The following LCOR variants were observed in gnomAD, a reference collection of about 807,000 sequenced individuals.
LCOR encodes ligand-dependent corepressor.
Under a neutral mutation model 64.4 loss-of-function variants are expected in LCOR, and 14 were observed. The ratio of observed to expected loss-of-function variants is 0.22; its 90% confidence interval spans 0.14 to 0.34. The LOEUF (loss-of-function observed/expected upper bound fraction) is 0.34, where lower values mean the gene tolerates loss of function less well. LCOR is among the 10% of genes least tolerant of loss of function. LCOR has a pLI of 1.00. For missense variants in LCOR, 1,686 were observed against 1,765.3 expected (o/e 0.96, Z 0.80); for synonymous variants, 643 against 642.5 (o/e 1.00, Z -0.01).
intron 2 of LCOR, among the ~76,000 whole-genome samples, chr10:96,867,288 C>T (rs1044078240): frequency 6.6e-6 from 1 of 152,104 alleles, no homozygotes; most frequent in East Asian, 1.9e-4. Flanking sequence ...CCACTGTGCC[C>T]GGACAGTCTT....
rs779430076 is a variant in LCOR, at chr10:96,982,693, C to G, written c.2233C>G (p.Pro745Ala). The change falls in exon 8 of 8, where the codon CCA becomes GCA. Residue 745 changes from proline (P) to alanine (A), a missense_variant. Pro to Ala is a conservative substitution (Grantham distance 27). Around this residue, in one of 3 missense-constraint regions of LCOR, gnomAD observed 1,293 missense variants for 1,410.4 expected, o/e 0.92. Transcript: ENST00000421806. ...AGACACCCAGGAGCTAAATGTCGAC[C>G]CACTCTTGAAGGAAAGCAGCACTTT... ...SGDTQELNVD[P>A]LLKESSTFTD... is the part of the protein sequence containing the mutation. 6.8e-6 allele frequency: 11 copies of G among 1,613,956 alleles called. No homozygotes were observed. In the South Asian group the frequency reaches 1.2e-4, roughly 18 times the overall value.
At chr10:96,904,861 A>G (rs1292275581) in intron 2 of LCOR, among the ~76,000 whole-genome samples, 2 of 152,216 alleles carry the variant, frequency 1.3e-5, no homozygotes, top group East Asian at 1.9e-4. Flanking sequence ...GCTAAATTCA[A>G]TATTTAGTAT....
intron 7 of LCOR, chr10:96,955,054 A>G (rs563073232): frequency 3.1e-6 from 5 of 1,613,976 alleles, no homozygotes. Context: ...GGTTTTGGAC[A>G]CTCCACATCA....
At chr10:96,930,803 C>T (rs1240645852) in intron 4 of LCOR, among the ~76,000 whole-genome samples, 1 of 152,160 alleles carries the variant, frequency 6.6e-6, no homozygotes, top group African/African-American at 2.4e-5. Context: ...GTTAGGCTAG[C>T]TTACTTGCCC....
chr10:96,966,928 G>C (rs1275892211), intron 7 of LCOR, among the ~76,000 whole-genome samples: 1 of 152,182 alleles, frequency 6.6e-6, no homozygotes, highest in Admixed American at 6.5e-5. Context: ...TGGAGACAAG[G>C]TTTCAGTACG....
At position 96,920,712 on chromosome 10, in the gene LCOR, A is replaced by G. The variant is rs562999511; in HGVS notation, c.-184+12965A>G. Among the ~76,000 whole-genome samples the G allele has an allele frequency of 5.2e-4, 74 of 141,996 alleles. 1 individual carries two copies. Among genetic ancestry groups the G allele is most frequent in the East Asian group, 4.4e-3 (21 of 4,764 alleles). The allele number at this position is 141,996 out of a possible 152,430, so 93.2% of individuals were successfully genotyped here. A position where few individuals can be genotyped will look rare whatever the true frequency, so the allele number is the denominator to read the frequency against. The stretch of plus-strand genomic sequence containing the variant: ...TGTATATATGTTCATATATGTGTGT[A>G]TATATGTATATATGTTCATATATAT... On this transcript the variant is annotated intron_variant, in intron 4 of 7. Transcript: ENST00000421806.
Position 96,982,271 on chromosome 10 carries a change from G to T in LCOR, c.1811G>T (p.Ser604Ile). Residue 604 changes from serine to isoleucine, a missense_variant, in exon 8 of 8, where the codon AGC becomes ATC. By Grantham distance (142) the Ser-to-Ile change is moderately radical. Coordinates refer to ENST00000421806, the MANE Select transcript of LCOR (RefSeq NM_001346516.2). Reference protein sequence around the residue: ...CPTKIKPNLSSSPRSEETTAS... With the variant: ...CPTKIKPNLSISPRSEETTAS... ...ACAAAGATTAAGCCGAACCTGAGCAGCTCCCCTAGGTCAGAGGAAACGACA... is the reference window on the plus strand; with the variant it reads ...ACAAAGATTAAGCCGAACCTGAGCATCTCCCCTAGGTCAGAGGAAACGACA... 6.2e-7 allele frequency: 1 copy of T among 1,614,184 alleles called. No homozygotes were observed. Among genetic ancestry groups the T allele is most frequent in the South Asian group, 1.1e-5 (1 of 91,086 alleles).
At position 96,918,939 on chromosome 10, in the gene LCOR, CA is replaced by C. The variant is rs375420112; in HGVS notation, c.-184+11198del. Among the ~76,000 whole-genome samples the C allele has an allele frequency of 7.2e-4, 110 of 151,998 alleles. 1 individual carries two copies. The highest frequency in any genetic ancestry group is 2.3e-3 in the African/African-American group (96 of 41,424). On this transcript the variant is annotated intron_variant, in intron 4 of 7. Coordinates refer to ENST00000421806, the MANE Select transcript of LCOR (RefSeq NM_001346516.2). Reference sequence around the variant, plus strand: ...CAAAGTTTTCTAGTTACATCAGCAACAAAAAAGGTAAAGTTTCAAGAAAAGT... The same window carrying C: ...CAAAGTTTTCTAGTTACATCAGCAACAAAAAGGTAAAGTTTCAAGAAAAGT...
At chr10:96,880,247 A>T (rs1278371755) in intron 2 of LCOR, among the ~76,000 whole-genome samples, 1 of 152,208 alleles carries the variant, frequency 6.6e-6, no homozygotes, top group African/African-American at 2.4e-5. Context: ...TCAGTTTGAA[A>T]TAATGTAACT....
chr10:96,977,270 C>A (rs998468450), intron 7 of LCOR, among the ~76,000 whole-genome samples: 1 of 152,124 alleles, frequency 6.6e-6, no homozygotes, highest in Non-Finnish European at 1.5e-5. Context: ...GAGTAAAATT[C>A]TCTACTAAAG....
chr10:96,868,961 A>G (rs1846024558), intron 2 of LCOR, among the ~76,000 whole-genome samples: 1 of 152,178 alleles, frequency 6.6e-6, no homozygotes, highest in African/African-American at 2.4e-5. Flanking sequence ...GCTGGAGTAC[A>G]GTGGTACAAT....
intron 4 of LCOR, among the ~76,000 whole-genome samples, chr10:96,930,920 GC>G (rs1171975688): frequency 6.6e-6 from 1 of 152,012 alleles, no homozygotes; most frequent in Non-Finnish European, 1.5e-5. Context: ...GAGAAAATAA[GC>G]TTCTGTTATT....
At chr10:96,956,938 A>G (rs1847793589) in intron 7 of LCOR, 2 of 985,176 alleles carry the variant, frequency 2.0e-6, no homozygotes, top group Non-Finnish European at 2.4e-6. Flanking sequence ...GTGTATAAGT[A>G]ATTATGATAT....
At chr10:96,976,088 G>T (rs991589818) in intron 7 of LCOR, among the ~76,000 whole-genome samples, 2 of 152,142 alleles carry the variant, frequency 1.3e-5, no homozygotes, top group African/African-American at 4.8e-5. Flanking sequence ...AACCAGGTGG[G>T]GTAGTTTTGA....
At chr10:96,873,616 G>GTGTGTT (rs1554833544) in intron 2 of LCOR, among the ~76,000 whole-genome samples, 5 of 144,252 alleles carry the variant, frequency 3.5e-5, no homozygotes, top group Non-Finnish European at 7.6e-5. Context: ...GTGTGTGTGT[G>GTGTGTT]TTTTGAGACA....
intron 2 of LCOR, among the ~76,000 whole-genome samples, chr10:96,897,069 GAGAGAAAGAGAA>G (rs537024870): frequency 1.0e-4 from 12 of 116,410 alleles, no homozygotes; most frequent in South Asian, 9.4e-4. Context: ...GAGAGAGAGA[GAGAGAAAGAGAA>G]AGAGAAAGAG....
intron 2 of LCOR, among the ~76,000 whole-genome samples, chr10:96,894,521 C>G (rs942821571): frequency 6.6e-5 from 10 of 152,196 alleles, no homozygotes; most frequent in African/African-American, 2.4e-4. Context: ...GAAAGCCAGA[C>G]TAAGCAGTTT....
chr10:96,989,827 C>T lies in LCOR; in HGVS notation c.*4693C>T, dbSNP rs566783242. 6.0e-5 allele frequency: 9 copies of T among 150,236 alleles called. No individual in the cohort carries two copies. In the South Asian group the frequency reaches 1.3e-3, roughly 21 times the overall value. The allele number at this position is 150,236 out of a possible 1,614,324, so 9.3% of individuals were successfully genotyped here. ...AGTGCTGGGATTACAAGTGAGCCAC[C>T]GCACCAACCCAAGTATGAGTTTCTA... On this transcript the variant is annotated 3_prime_UTR_variant, in exon 8 of 8. Coordinates refer to ENST00000421806, the MANE Select transcript of LCOR (RefSeq NM_001346516.2).
At position 96,985,156 on chromosome 10, in the gene LCOR, G is replaced by T. The variant is rs1453879629; in HGVS notation, c.*22G>T. 3.2e-6 allele frequency: 5 copies of T among 1,572,454 alleles called. No individual in the cohort carries two copies. In the Admixed American group the frequency reaches 1.0e-4, roughly 31 times the overall value. On this transcript the variant is annotated 3_prime_UTR_variant, in exon 8 of 8. Coordinates refer to ENST00000421806, the MANE Select transcript of LCOR (RefSeq NM_001346516.2). ...GTGATTGGAAAGATGGTAGCCAAGA[G>T]TAAAACTGTTCTATAGAAGTAACCT...
Sources: gnomAD v4.1 joint callset for allele counts (sites outside exome capture counted in the v4.1 genomes callset) on GRCh38, gnomAD v4.1.1 for gene constraint, gnomAD v4.1.1 regional missense constraint, MANE v1.5 for transcripts, NCBI Gene and HGNC (gene_info 2026-07-23, HGNC 2026-07-21) for gene names.